Variants in STK3 observed in about 807,000 individuals in gnomAD.
The protein encoded by STK3 is serine/threonine-protein kinase 3.
STK3 carries 41 observed loss-of-function variants against 58.0 expected under a neutral mutation model. That is an observed-to-expected ratio of 0.71 (90% CI 0.55 to 0.92). The LOEUF (loss-of-function observed/expected upper bound fraction) is 0.92, where lower values mean the gene tolerates loss of function less well. Among genes scored for constraint, STK3 ranks in the 40% least tolerant of loss-of-function variants. The probability of loss-of-function intolerance (pLI) is 0.00; values close to 1 mark genes in which losing one functional copy is unlikely to be tolerated. For synonymous variants in STK3, 170 were observed against 191.0 expected, an observed-to-expected ratio of 0.89 and a Z score of 0.91; for missense variants, 479 against 602.7, an observed-to-expected ratio of 0.79 and a Z score of 2.15.
At chr8:98,940,715 G>C (rs1179836561) in intron 1 of STK3, among the ~76,000 whole-genome samples, 3 of 152,166 alleles carry the variant, frequency 2.0e-5, no homozygotes, top group Non-Finnish European at 4.4e-5. Context: ...GCGCCGCCCC[G>C]CACGCGACCG....
At chr8:98,866,625 C>T (rs1837156789) in intron 3 of STK3, among the ~76,000 whole-genome samples, 1 of 152,164 alleles carries the variant, frequency 6.6e-6, no homozygotes, top group African/African-American at 2.4e-5. Flanking sequence ...ACATTAGCTG[C>T]TGTAAGTCAG....
intron 2 of STK3, among the ~76,000 whole-genome samples, chr8:98,378,709 C>A (rs530436930): frequency 6.6e-6 from 1 of 152,254 alleles, no homozygotes; most frequent in South Asian, 2.1e-4. Flanking sequence ...TTATTAATTT[C>A]AGGCTCCAGT....
intron 6 of STK3, among the ~76,000 whole-genome samples, chr8:98,706,039 C>A (rs1825939346): frequency 6.7e-6 from 1 of 148,710 alleles, no homozygotes; most frequent in Admixed American, 6.7e-5. Context: ...ATCCTCAGAC[C>A]AAAGAAGAGA....
intron 4 of STK3, among the ~76,000 whole-genome samples, chr8:98,748,763 C>T (rs1384066799): frequency 1.3e-5 from 2 of 151,700 alleles, no homozygotes; most frequent in Non-Finnish European, 2.9e-5. Context: ...TTTCACTAAG[C>T]TAAATTTATA....
intron 4 of STK3, among the ~76,000 whole-genome samples, chr8:98,711,180 G>A (rs985347340): frequency 6.6e-6 from 1 of 152,120 alleles, no homozygotes; most frequent in African/African-American, 2.4e-5. Flanking sequence ...CCACAAAGAT[G>A]CAGAAAAAAC....
At chr8:98,906,879 G>C (rs1338437297) in intron 1 of STK3, among the ~76,000 whole-genome samples, 1 of 151,930 alleles carries the variant, frequency 6.6e-6, no homozygotes, top group Non-Finnish European at 1.5e-5. Context: ...TGGGTGTGGA[G>C]GCTCACGCCT....
chr8:98,764,580 C>T (rs1387165145), intron 3 of STK3, among the ~76,000 whole-genome samples: 1 of 152,198 alleles, frequency 6.6e-6, no homozygotes, highest in African/African-American at 2.4e-5. Flanking sequence ...CTTTGATACA[C>T]AGGAATTTGA....
chr8:98,641,136 T>C (rs1327512841), intron 6 of STK3, among the ~76,000 whole-genome samples: 1 of 152,176 alleles, frequency 6.6e-6, no homozygotes, highest in Non-Finnish European at 1.5e-5. Flanking sequence ...AAGATTTCCC[T>C]TTCTAGTGGC....
In STK3 at chr8:98,427,950, C is replaced by G. The variant is rs1416467702; in HGVS notation, n.483+6177G>C. On this transcript the variant is annotated intron_variant and non_coding_transcript_variant, in intron 3 of 3. Coordinates refer to the STK3 transcript ENST00000517832. ...CCTCCGCTTCCAGGTGTAGCGCCCCCGCGCGGCGCGGGCGGCCGGCGCCTC... is the reference window on the plus strand; with the variant it reads ...CCTCCGCTTCCAGGTGTAGCGCCCCGGCGCGGCGCGGGCGGCCGGCGCCTC... The G allele has an allele frequency of 1.6e-5, 24 of 1,470,424 alleles. 1 individual carries two copies. In the South Asian group the frequency reaches 3.0e-4, roughly 18 times the overall value. The allele number at this position is 1,470,424 out of a possible 1,614,324, so 91.1% of individuals were successfully genotyped here.
intron 10 of STK3, among the ~76,000 whole-genome samples, chr8:98,508,883 T>A (rs1375145693): frequency 1.3e-5 from 2 of 152,168 alleles, no homozygotes; most frequent in Non-Finnish European, 2.9e-5. Context: ...CTTGTTCTAT[T>A]TAATGACACA....
upstream of STK3, among the ~76,000 whole-genome samples, chr8:98,828,999 T>C (rs1246141677): frequency 1.3e-5 from 2 of 152,174 alleles, no homozygotes; most frequent in African/African-American, 4.8e-5. Context: ...TCTCCATCCT[T>C]TTCCATCTGC....
intron 3 of STK3, among the ~76,000 whole-genome samples, chr8:98,835,551 G>T (rs1387146895): frequency 6.6e-6 from 1 of 152,154 alleles, no homozygotes; most frequent in Admixed American, 6.5e-5. Context: ...ACAGCACCCA[G>T]TGGCCAACAG....
At chr8:98,349,915 G>A in the STK3 span, among the ~76,000 whole-genome samples, 1 of 151,926 alleles carries the variant, frequency 6.6e-6, no homozygotes, top group African/African-American at 2.4e-5. Flanking sequence ...GGGAGGGGCT[G>A]CCACAAAGGT....
intron 6 of STK3, among the ~76,000 whole-genome samples, chr8:98,617,197 T>G (rs902632515): frequency 6.6e-6 from 1 of 151,260 alleles, no homozygotes; most frequent in African/African-American, 2.4e-5. Context: ...CTGAACAACC[T>G]GCTCCTGAAT....
At chr8:98,418,975 T>C (rs1221918568) in intron 3 of STK3, among the ~76,000 whole-genome samples, 2 of 152,238 alleles carry the variant, frequency 1.3e-5, no homozygotes, top group African/African-American at 4.8e-5. Context: ...CATGGTGTTG[T>C]GTGCAGCACT....
chr8:98,774,762 A>G lies in STK3; in HGVS notation c.84T>C (p.Asp28=). 6.3e-7 allele frequency: 1 copy of G among 1,589,344 alleles called. No individual in the cohort carries two copies. The highest frequency in any genetic ancestry group is 8.5e-7 in the Non-Finnish European group (1 of 1,169,836). Reference sequence around the variant, plus strand: ...ACCCTTCTCCAAGCTTCTCTAATACATCAAAAACTTCTTCAGGCTGCTTAG... The same window carrying G: ...ACCCTTCTCCAAGCTTCTCTAATACGTCAAAAACTTCTTCAGGCTGCTTAG... The part of the protein sequence containing the change: ...SLTKQPEEVF[D]VLEKLGEGSY... The change falls in exon 2 of 11, where the codon GAT becomes GAC. Residue 28 remains aspartate, a synonymous_variant. Transcript: ENST00000419617.
chr8:98,560,076 T>G (rs916601060), intron 8 of STK3, among the ~76,000 whole-genome samples: 7 of 152,178 alleles, frequency 4.6e-5, no homozygotes, highest in African/African-American at 1.7e-4. Context: ...CTCATTAGAT[T>G]GCAATCTTCT....
intron 2 of STK3, among the ~76,000 whole-genome samples, chr8:98,773,185 T>C (rs982718919): frequency 7.2e-5 from 11 of 152,122 alleles, no homozygotes; most frequent in Non-Finnish European, 1.6e-4. Context: ...CTTTCTCTTT[T>C]TTCTATTATA....
intron 10 of STK3, among the ~76,000 whole-genome samples, chr8:98,504,619 T>C (rs1298167373): frequency 6.6e-6 from 1 of 152,234 alleles, no homozygotes; most frequent in African/African-American, 2.4e-5. Context: ...TGCTTGTTTG[T>C]AATGGATTTT....
Sources: gnomAD v4.1 joint callset for allele counts (sites outside exome capture counted in the v4.1 genomes callset) on GRCh38, gnomAD v4.1.1 for gene constraint, MANE v1.5 for transcripts, NCBI Gene and HGNC (gene_info 2026-07-23, HGNC 2026-07-21) for gene names.